The following ZNF200 variants were observed in gnomAD, a reference collection of about 807,000 sequenced individuals.
ZNF200 encodes zinc finger protein 200.
Under a neutral mutation model 33.6 loss-of-function variants are expected in ZNF200, and 35 were observed. That is an observed-to-expected ratio of 1.04 (90% CI 0.80 to 1.38). ZNF200 has a LOEUF of 1.38. Ranked by LOEUF, ZNF200 falls within the 40% of genes most tolerant of loss-of-function variation. ZNF200 has a pLI of 0.00. For missense variants in ZNF200, 592 were observed against 470.6 expected (o/e 1.26, Z -2.39); for synonymous variants, 209 against 167.7 (o/e 1.25, Z -1.90).
intron 4 of ZNF200, among the ~76,000 whole-genome samples, chr16:3,230,508 G>A (rs1308907650): frequency 6.6e-6 from 1 of 152,162 alleles, no homozygotes; most frequent in Non-Finnish European, 1.5e-5. Flanking sequence ...ACAGCACACA[G>A]TAGCTATAAT....
Position 3,224,264 on chromosome 16 carries a change from C to A in ZNF200, c.816G>T (p.Arg272Ser). Residue 272 changes from arginine (R) to serine (S), a missense_variant, in exon 5 of 5, where the codon AGG becomes AGT. Physicochemically the swap from Arg to Ser is moderately radical, Grantham distance 110. Coordinates refer to ENST00000414144, the MANE Select transcript of ZNF200 (RefSeq NM_198088.3). ...NESSYLISHQ[R>S]THTGEKPYDC... ...CATAGGGTTTTTCTCCAGTGTGGGT[C>A]CTCTGGTGGGAAATGAGGTAAGAAC... 1.2e-6 allele frequency: 2 copies of A among 1,614,128 alleles called. No individual in the cohort carries two copies. The highest frequency in any genetic ancestry group is 1.3e-5 in the African/African-American group (1 of 75,022).
intron 4 of ZNF200, 116 bp downstream of exon 4, chr16:3,232,305 A>ATG: frequency 8.4e-7 from 1 of 1,193,632 alleles, no homozygotes; most frequent in Non-Finnish European, 1.2e-6. Flanking sequence ...GTAAAATAAA[A>ATG]TGTGTGTGTG....
intron 4 of ZNF200, 57 bp downstream of exon 4, chr16:3,232,361 TGAA>T (rs1958657179): frequency 1.3e-6 from 2 of 1,581,214 alleles, no homozygotes. Flanking sequence ...GCTAAAGAGA[TGAA>T]GGACATGCTT....
intron 4 of ZNF200, among the ~76,000 whole-genome samples, chr16:3,231,482 C>T (rs961705525): frequency 1.3e-5 from 2 of 152,158 alleles, no homozygotes; most frequent in African/African-American, 4.8e-5. Flanking sequence ...GCCCTGAAGG[C>T]AAAGTAAAAA....
In ZNF200 at chr16:3,224,535, G is replaced by A. The variant is rs1958419491; in HGVS notation, c.545C>T (p.Ser182Leu). 1 of 1,613,890 alleles carries A rather than the reference G, an allele frequency of 6.2e-7. No homozygotes were observed. The highest frequency in any genetic ancestry group is 8.5e-7 in the Non-Finnish European group (1 of 1,179,966). The change falls in exon 5 of 5, where the codon TCA becomes TTA. Residue 182 changes from serine (S) to leucine (L), a missense_variant. Physicochemically the swap from Ser to Leu is moderately radical, Grantham distance 145. Transcript: ENST00000414144. ...GGAAGAATCCATTTCATCATCATCT[G>A]AAGACTTTTCTCTATAATCTTCATT... ...VENEDYREKS[S>L]DDDEMDSSLV...
intron 4 of ZNF200, among the ~76,000 whole-genome samples, chr16:3,230,298 A>G (rs746248440): frequency 7.2e-5 from 11 of 152,224 alleles, no homozygotes; most frequent in Non-Finnish European, 1.5e-4. Context: ...GCAGCACAAA[A>G]TGTACTAAGA....
In ZNF200 at chr16:3,222,721, G is replaced by T. The variant is rs117066731; in HGVS notation, c.*1171C>A. ...GAAGAATCCCTAAATCGCACCACAC[G>T]ATCAGTCCGTAAAGGCACCGCTGGC... On this transcript the variant is annotated 3_prime_UTR_variant, in exon 5 of 5. Transcript: ENST00000414144. 1.3e-5 allele frequency: 2 copies of T among 152,068 alleles called. No individual in the cohort carries two copies. Among genetic ancestry groups the T allele is most frequent in the African/African-American group, 4.8e-5 (2 of 41,390 alleles). The allele number at this position is 152,068 out of a possible 1,614,324, so 9.4% of individuals were successfully genotyped here.
At chr16:3,229,176 C>T (rs1486975365) in intron 4 of ZNF200, among the ~76,000 whole-genome samples, 1 of 149,202 alleles carries the variant, frequency 6.7e-6, no homozygotes, top group Non-Finnish European at 1.5e-5. Flanking sequence ...TGAATTTGAG[C>T]ATCCATGGAT....
At chr16:3,232,751 C>G in intron 3 of ZNF200, 82 bp downstream of exon 3, 2 of 1,502,056 alleles carry the variant, frequency 1.3e-6, no homozygotes. Flanking sequence ...AAGGCCAACT[C>G]CTAAGAATGT....
Position 3,223,863 on chromosome 16 carries a change from A to T in ZNF200, c.*29T>A, listed in dbSNP as rs1472854674. The T allele has an allele frequency of 6.4e-7, 1 of 1,572,612 alleles. No individual in the cohort carries two copies. On this transcript the variant is annotated 3_prime_UTR_variant, in exon 5 of 5. Transcript: ENST00000414144. ...ATGAAAGCTCTCAGGTTGAGGCAGCACCATCAGACCCAGAAAGGGTTCCCA... is the reference window on the plus strand; with the variant it reads ...ATGAAAGCTCTCAGGTTGAGGCAGCTCCATCAGACCCAGAAAGGGTTCCCA...
intron 4 of ZNF200, among the ~76,000 whole-genome samples, chr16:3,230,770 T>C (rs1324823145): frequency 2.0e-5 from 3 of 152,202 alleles, no homozygotes; most frequent in African/African-American, 4.8e-5. Flanking sequence ...TGAACTCCAA[T>C]CCCCAATTTC....
At position 3,233,650 on chromosome 16, in the gene ZNF200, T is replaced by C. The variant is rs878867020; in HGVS notation, c.106A>G (p.Thr36Ala). Residue 36 changes from threonine (T) to alanine (A), a missense_variant, in exon 2 of 5, where the codon ACT becomes GCT. Transcript: ENST00000414144. Reference sequence around the variant, plus strand: ...TGGTGGATGGTCTTGGGCCCGTTAGTGGCATCTCGAAGTAGGTCTTGGCCC... The same window carrying C: ...TGGTGGATGGTCTTGGGCCCGTTAGCGGCATCTCGAAGTAGGTCTTGGCCC... ...KLGQDLLRDA[T>A]NGPKTIHQLV... 1 of 1,613,924 alleles carries C rather than the reference T, an allele frequency of 6.2e-7. No homozygotes were observed. Among genetic ancestry groups the C allele is most frequent in the South Asian group, 1.1e-5 (1 of 91,084 alleles).
chr16:3,226,383 G>A (rs995859402), intron 4 of ZNF200: 1 of 152,052 alleles, frequency 6.6e-6, no homozygotes, highest in Non-Finnish European at 1.5e-5. Flanking sequence ...ACTCCCTTAG[G>A]ATAATGAAAT....
rs781603831 is a variant in ZNF200 at position 3,224,212 on chromosome 16, T to C, written c.868A>G (p.Asn290Asp). The C allele has an allele frequency of 7.4e-6, 12 of 1,614,090 alleles. No homozygotes were observed. Among genetic ancestry groups the C allele is most frequent in the Non-Finnish European group, 1.0e-5 (12 of 1,180,054 alleles). Residue 290 changes from asparagine to aspartate, a missense_variant, in exon 5 of 5, where the codon AAT (asparagine) becomes GAT (aspartate). Coordinates refer to ENST00000414144, the MANE Select transcript of ZNF200 (RefSeq NM_198088.3). The part of the protein sequence containing the change: ...YDCNHCGKSF[N>D]HKTNLNKHER... ...TGTTTATTGAGGTTTGTTTTATGATTGAAGCTTTTCCCACAGTGATTACAG... is the reference window on the plus strand; with the variant it reads ...TGTTTATTGAGGTTTGTTTTATGATCGAAGCTTTTCCCACAGTGATTACAG...
intron 4 of ZNF200, among the ~76,000 whole-genome samples, chr16:3,230,307 G>C (rs1021370447): frequency 2.0e-5 from 3 of 152,202 alleles, no homozygotes; most frequent in African/African-American, 7.2e-5. Context: ...AATGTACTAA[G>C]ACAGTTGCTT....
intron 4 of ZNF200, among the ~76,000 whole-genome samples, chr16:3,230,055 C>A (rs532260102): frequency 6.6e-6 from 1 of 152,222 alleles, no homozygotes; most frequent in Non-Finnish European, 1.5e-5. Flanking sequence ...TAAGTGATTT[C>A]TCACTCTTAG....
intron 4 of ZNF200, among the ~76,000 whole-genome samples, chr16:3,229,366 T>C (rs1324217644): frequency 1.3e-5 from 2 of 151,672 alleles, no homozygotes; most frequent in Non-Finnish European, 1.5e-5. Flanking sequence ...AGAAAAACAA[T>C]AGGATAAATT....
rs879320030 is a variant in ZNF200 at position 3,234,242 on chromosome 16, T to TAA, written c.-81-408_-81-407dup. ...GCAACACAGCAAGACACCGACTCCATAAAAAAAAAAAAAATTAGCTGGGCG... is the reference window on the plus strand; with the variant it reads ...GCAACACAGCAAGACACCGACTCCATAAAAAAAAAAAAAAAATTAGCTGGGCG... On this transcript the variant is annotated intron_variant, in intron 1 of 4. Coordinates refer to ENST00000414144, the MANE Select transcript of ZNF200 (RefSeq NM_198088.3). 1,183 of 136,988 alleles carry TAA rather than the reference T, an allele frequency of 8.6e-3. 14 individuals are homozygous for TAA. Among genetic ancestry groups the TAA allele is most frequent in the African/African-American group, 0.03 (1,107 of 37,366 alleles). 8.5% of individuals were successfully genotyped at this position (136,988 alleles called of 1,614,324 possible).
Position 3,224,063 on chromosome 16 carries a change from T to C in ZNF200, c.1017A>G (p.Pro339=), listed in dbSNP as rs191507233. The change falls in exon 5 of 5, where the codon CCA becomes CCG. Residue 339 remains proline, a synonymous_variant. Transcript: ENST00000414144. ...IHIREKIFKC[P]ECGKTFPKNE... Reference sequence around the variant, plus strand: ...TCTTTGGGAAGGTTTTCCCACATTCTGGACACTTAAATATCTTCTCCCTTA... The same window carrying C: ...TCTTTGGGAAGGTTTTCCCACATTCCGGACACTTAAATATCTTCTCCCTTA... The C allele has an allele frequency of 8.6e-4, 1,396 of 1,614,248 alleles. 6 individuals are homozygous for C. Among genetic ancestry groups the C allele is most frequent in the South Asian group, 1.2e-3 (106 of 91,092 alleles).
Sources: allele counts gnomAD v4.1 joint callset (sites outside exome capture counted in the v4.1 genomes callset), GRCh38; gene constraint gnomAD v4.1.1; transcripts MANE v1.5; gene names NCBI Gene and HGNC (gene_info 2026-07-23, HGNC 2026-07-21).